Variants in BRAT1 observed in about 807,000 individuals in gnomAD.
BRAT1 encodes integrator complex assembly factor BRAT1.
A neutral mutation model predicts 70.6 loss-of-function variants in BRAT1; 74 were observed. The ratio of observed to expected loss-of-function variants is 1.05; its 90% CI spans 0.87 to 1.27. The LOEUF (loss-of-function observed/expected upper bound fraction) is 1.27, where lower values mean the gene tolerates loss of function less well. Among genes scored for constraint, BRAT1 ranks in the 50% most tolerant of loss-of-function variants. The pLI is 0.00. For synonymous variants in BRAT1, 615 were observed against 517.1 expected (o/e 1.19, Z -2.57); for missense variants, 1,203 against 1,098.2 (o/e 1.10, Z -1.35).
chr7:2,539,726 C>T (rs538096996), intron 11 of BRAT1, 60 bp downstream of exon 11: 4 of 1,557,162 alleles, frequency 2.6e-6, no homozygotes, highest in Non-Finnish European at 3.5e-6. Flanking sequence ...TCCACCCAGC[C>T]CCTGCTGCCT....
chr7:2,546,960 C>T (rs1474517293), intron 3 of BRAT1, among the ~76,000 whole-genome samples: 1 of 151,700 alleles, frequency 6.6e-6, no homozygotes, highest in East Asian at 1.9e-4. Flanking sequence ...GCAGCTACGA[C>T]TCCTGTCTCC....
At chr7:2,541,546 G>T in intron 8 of BRAT1, 62 bp from the exon 9 acceptor site, 1 of 1,490,720 alleles carries the variant, frequency 6.7e-7, no homozygotes, top group African/African-American at 1.4e-5. Flanking sequence ...ATGCAGGGGT[G>T]CTGGGACTTC....
chr7:2,542,111 G>A lies in BRAT1; in HGVS notation c.1015+9C>T. On this transcript the variant is annotated intron_variant, in intron 7 of 13. Transcript: ENST00000340611. ...GTTCTGCCCTCCCAGCCCTTTCTAA[G>A]CAGCACACCTGGGGGTCCGGGGGCC... 6.6e-7 allele frequency: 1 copy of A among 1,526,110 alleles called. No homozygotes were observed. The highest frequency in any genetic ancestry group is 2.2e-5 in the Admixed American group (1 of 46,282). The allele number at this position is 1,526,110 out of a possible 1,614,324, so 94.5% of individuals were successfully genotyped here.
At chr7:2,550,240 G>A (rs1421626949) in intron 2 of BRAT1, among the ~76,000 whole-genome samples, 2 of 151,182 alleles carry the variant, frequency 1.3e-5, no homozygotes, top group Non-Finnish European at 2.9e-5. Flanking sequence ...GCCAAGGCGG[G>A]CAGACTGCTT....
Position 2,545,162 on chromosome 7 carries a change from G to C in BRAT1, c.283-106C>G. 2.4e-6 allele frequency: 3 copies of C among 1,260,562 alleles called. No individual in the cohort carries two copies. In the South Asian group the frequency reaches 4.9e-5, roughly 20 times the overall value. 78.1% of individuals were successfully genotyped at this position (1,260,562 alleles called of 1,614,324 possible). On this transcript the variant is annotated intron_variant, in intron 3 of 13. Coordinates refer to ENST00000340611, the MANE Select transcript of BRAT1 (RefSeq NM_152743.4). ...GGGCAGATCACGAGGTCAGGAGTTC[G>C]AGACCAGCCTGACCAACATGGTGAA...
rs776849294 is a variant in BRAT1, at chr7:2,543,609, G to C, written c.784C>G (p.Leu262Val). ...PIPAAHSFVD[L>V]LLCVARSPVF... ...CCTGACCGAGCCACACAGAGAAGCAGGTCCACGAACGAGTGTGCGGCGGGG... is the reference window on the plus strand; with the variant it reads ...CCTGACCGAGCCACACAGAGAAGCACGTCCACGAACGAGTGTGCGGCGGGG... The change falls in exon 5 of 14, where the codon CTG (leucine) becomes GTG (valine). Residue 262 changes from leucine (L) to valine (V), a missense_variant. Transcript: ENST00000340611. This position sits in a 1 kb window ranked among gnomAD's most constrained non-coding sequence, Gnocchi z 5.5. 2 of 1,522,342 alleles carry C rather than the reference G, an allele frequency of 1.3e-6. No individual in the cohort carries two copies. The highest frequency in any genetic ancestry group is 1.8e-6 in the Non-Finnish European group (2 of 1,132,374). 94.3% of individuals were successfully genotyped at this position (1,522,342 alleles called of 1,614,324 possible).
At chr7:2,542,552 G>A (rs1481201964) in intron 6 of BRAT1, 11 of 203,820 alleles carry the variant, frequency 5.4e-5, no homozygotes, top group Non-Finnish European at 8.3e-5. Context: ...CTCTGTGGGA[G>A]GGACCTGCCC....
At chr7:2,553,033 C>G (rs1238115511) in intron 2 of BRAT1, among the ~76,000 whole-genome samples, 1 of 151,824 alleles carries the variant, frequency 6.6e-6, no homozygotes. Flanking sequence ...CTTGAGCCAC[C>G]GCGCTCGACT....
intron 2 of BRAT1, among the ~76,000 whole-genome samples, chr7:2,550,034 G>A (rs1385237105): frequency 2.6e-5 from 4 of 151,828 alleles, no homozygotes; most frequent in African/African-American, 9.7e-5. Flanking sequence ...GTGGTGGTGT[G>A]TCCCTGTAGT....
chr7:2,546,296 C>T (rs4721775), intron 3 of BRAT1, among the ~76,000 whole-genome samples: 18,490 of 151,874 alleles, frequency 0.12, 1,517 homozygotes, highest in Admixed American at 0.17. Context: ...ACAAAGTTAG[C>T]CAGGTGTGGT....
chr7:2,551,295 C>A (rs1031299680), intron 2 of BRAT1, among the ~76,000 whole-genome samples: 4 of 149,312 alleles, frequency 2.7e-5, no homozygotes, highest in African/African-American at 9.8e-5. Context: ...ATATATATAT[C>A]TCATGCTTAC....
intron 2 of BRAT1, among the ~76,000 whole-genome samples, chr7:2,552,204 G>A (rs1235758868): frequency 1.5e-5 from 2 of 134,098 alleles, no homozygotes; most frequent in Non-Finnish European, 3.1e-5. Flanking sequence ...TGCAACCTCT[G>A]CCTCCCAGGT....
rs1780251689 is a variant in BRAT1 at position 2,554,332 on chromosome 7, C to T, written c.100G>A (p.Asp34Asn). The T allele has an allele frequency of 6.2e-7, 1 of 1,613,994 alleles. No homozygotes were observed. Residue 34 changes from aspartate (D) to asparagine (N), a missense_variant, in exon 2 of 14, where the codon GAC (aspartate) becomes AAC (asparagine). Transcript: ENST00000340611. Reference protein sequence around the residue: ...ADDTCLEKLLDWFKTVTEGES... With the variant: ...ADDTCLEKLLNWFKTVTEGES... ...CCTTCAGTGACCGTTTTAAACCAGT[C>T]CAGGAGCTTCTCCAAACAGGTGTCA... is the stretch of plus-strand genomic sequence containing the variant.
At position 2,538,522 on chromosome 7, in the gene BRAT1, G is replaced by T; in HGVS notation, c.2013C>A (p.Thr671=). The change falls in exon 14 of 14, where the codon ACC becomes ACA. Residue 671 remains threonine, a synonymous_variant. Transcript: ENST00000340611. ...FLGQTLGPPR[T]HCPYAVALPE... Reference sequence around the variant, plus strand: ...GTAGGGCCACGGCATAGGGGCAGTGGGTACGCGGCGGCCCCAAAGTCTGGC... The same window carrying T: ...GTAGGGCCACGGCATAGGGGCAGTGTGTACGCGGCGGCCCCAAAGTCTGGC... The T allele has an allele frequency of 6.2e-7, 1 of 1,606,852 alleles. No homozygotes were observed.
intron 2 of BRAT1, among the ~76,000 whole-genome samples, chr7:2,551,319 A>ATCTG (rs1779991925): frequency 6.6e-6 from 1 of 150,470 alleles, no homozygotes; most frequent in African/African-American, 2.4e-5. Flanking sequence ...CTGTAAAAGG[A>ATCTG]TCTGGTACAC....
rs1295104659 is a variant in BRAT1, at chr7:2,553,654, T to A, written c.127+651A>T. On this transcript the variant is annotated intron_variant, in intron 2 of 13. Coordinates refer to ENST00000340611, the MANE Select transcript of BRAT1 (RefSeq NM_152743.4). Reference sequence around the variant, plus strand: ...TAAAGAACATGTATTACTTTGTTTTTTTTTTTTGAGACAGGGTCTCACTCT... The same window carrying A: ...TAAAGAACATGTATTACTTTGTTTTATTTTTTTGAGACAGGGTCTCACTCT... 2.0e-5 allele frequency among the ~76,000 whole-genome samples: 3 copies of A among 152,216 alleles called. No individual in the cohort carries two copies. In the East Asian group the frequency reaches 5.8e-4, roughly 29 times the overall value.
intron 1 of BRAT1, 22 bp from the exon 2 acceptor site, chr7:2,554,469 C>G: frequency 6.2e-7 from 1 of 1,601,336 alleles, no homozygotes; most frequent in Non-Finnish European, 8.5e-7. Flanking sequence ...ATGTGAGAGC[C>G]AAACCTCAAT....
chr7:2,544,288 C>T (rs1004827018), intron 4 of BRAT1: 1 of 208,128 alleles, frequency 4.8e-6, no homozygotes, highest in African/African-American at 2.5e-5. Flanking sequence ...CTGCAACTTC[C>T]ACCTCCCAGG....
intron 10 of BRAT1, 163 bp from the exon 11 acceptor site, chr7:2,540,051 G>T: frequency 1.8e-6 from 1 of 569,550 alleles, no homozygotes; most frequent in Non-Finnish European, 3.0e-6. Context: ...TTTAGAGACA[G>T]GGTCTCAATG....
Sources: gnomAD v4.1 joint callset for allele counts (sites outside exome capture counted in the v4.1 genomes callset) on GRCh38, gnomAD v4.1.1 for gene constraint, Gnocchi (gnomAD v3.1) non-coding constraint, MANE v1.5 for transcripts, NCBI Gene and HGNC (gene_info 2026-07-23, HGNC 2026-07-21) for gene names.